Variants in UPRT observed in about 807,000 individuals in gnomAD.
The protein encoded by UPRT is RP11-311P8.3.
Under a neutral mutation model 22.6 loss-of-function variants are expected in UPRT, and 5 were observed. The ratio of observed to expected loss-of-function variants is 0.22; its 90% CI spans 0.12 to 0.47. UPRT has a LOEUF of 0.47. UPRT is among the 20% of genes least tolerant of loss of function. The probability of loss-of-function intolerance (pLI) is 0.99; values close to 1 mark genes in which losing one functional copy is unlikely to be tolerated. For synonymous variants in UPRT, 77 were observed against 87.7 expected (o/e 0.88, Z 0.68); for missense variants, 181 against 239.9 (o/e 0.75, Z 1.62).
At chrX:75,297,806 G>C in intron 4 of UPRT, 1 of 353,435 alleles carries the variant, frequency 2.8e-6, no homozygotes. Context: ...AGATTCAGAG[G>C]AGGATGGGAG....
chrX:75,293,638 T>A (rs1484306160), intron 2 of UPRT, 124 bp downstream of exon 2: 1 of 684,167 alleles, frequency 1.5e-6, no homozygotes, highest in Non-Finnish European at 2.1e-6. Context: ...GTAACCATCA[T>A]CTTGCTAGGC....
In UPRT at chrX:75,274,573, G is replaced by A. The variant is rs1451140478; in HGVS notation, c.319G>A (p.Gly107Arg). The A allele has an allele frequency of 1.7e-6, 2 of 1,208,753 alleles. No homozygotes were observed. The highest frequency in any genetic ancestry group is 1.7e-5 in the African/African-American group (1 of 57,168). Residue 107 changes from glycine to arginine, a missense_variant, in exon 1 of 7, where the codon GGG (glycine) becomes AGG (arginine). Around this residue, in one of 2 missense-constraint regions of UPRT, gnomAD observed 111 missense variants for 102.8 expected, o/e 1.08. Transcript: ENST00000373383. ...LEDCELSRQI[G>R]AQLKLLPMND... ...GGACTGCGAACTCTCCCGGCAGATC[G>A]GGGCGCAGCTTAAGCTGCTGCCTAT... is the stretch of plus-strand genomic sequence containing the variant.
chrX:75,168,111 C>T (rs1048340842), intron 4 of UPRT, among the ~76,000 whole-genome samples: 4 of 111,919 alleles, frequency 3.6e-5, no homozygotes, highest in African/African-American at 9.8e-5. Flanking sequence ...CATTTACCTC[C>T]GTTCTGTTCC....
chrX:75,159,767 TA>T (rs1426118198), intron 1 of UPRT, among the ~76,000 whole-genome samples: 13 of 91,308 alleles, frequency 1.4e-4, no homozygotes, highest in African/African-American at 3.1e-4. Flanking sequence ...ATACTTGCCT[TA>T]AATTTTTTTT....
At chrX:75,226,349 A>T (rs1156947150) in intron 4 of UPRT, among the ~76,000 whole-genome samples, 1 of 111,022 alleles carries the variant, frequency 9.0e-6, no homozygotes, top group Non-Finnish European at 1.9e-5. Flanking sequence ...TTCTGTTAAA[A>T]CCTAAACCAT....
intron 4 of UPRT, among the ~76,000 whole-genome samples, chrX:75,174,452 G>A (rs773782596): frequency 3.4e-4 from 38 of 111,974 alleles, no homozygotes; most frequent in South Asian, 1.9e-3. Flanking sequence ...GGGCCTAAAG[G>A]TGAGTAACAG....
At chrX:75,189,537 T>A (rs1446952822) in intron 4 of UPRT, among the ~76,000 whole-genome samples, 1 of 111,748 alleles carries the variant, frequency 8.9e-6, no homozygotes, top group Non-Finnish European at 1.9e-5. Flanking sequence ...TGGAGATCCT[T>A]GTTAACTTTC....
At chrX:75,218,389 C>T (rs1275047219) in intron 4 of UPRT, among the ~76,000 whole-genome samples, 2 of 107,341 alleles carry the variant, frequency 1.9e-5, no homozygotes, top group African/African-American at 3.4e-5. Flanking sequence ...CAGGAAACAA[C>T]AGGTGCTGGA....
intron 4 of UPRT, among the ~76,000 whole-genome samples, chrX:75,216,975 C>T (rs1444351617): frequency 1.8e-5 from 2 of 111,457 alleles, no homozygotes; most frequent in Non-Finnish European, 3.8e-5. Flanking sequence ...AGGATGGTCT[C>T]GATCTCCTGA....
At chrX:75,272,347 C>CATAT, upstream of UPRT, among the ~76,000 whole-genome samples, 1 of 81,379 alleles carries the variant, frequency 1.2e-5, no homozygotes, top group East Asian at 3.4e-4. Flanking sequence ...TATATATACA[C>CATAT]ATATATATAT....
chrX:75,286,073 TA>T (rs1488556575), intron 1 of UPRT, among the ~76,000 whole-genome samples: 2 of 110,878 alleles, frequency 1.8e-5, no homozygotes, highest in African/African-American at 6.6e-5. Flanking sequence ...TTCCTTTGGT[TA>T]AAACCTGCCG....
chrX:75,255,736 T>G (rs1203245819), intron 4 of UPRT, among the ~76,000 whole-genome samples: 1 of 111,668 alleles, frequency 9.0e-6, no homozygotes, highest in African/African-American at 3.3e-5. Flanking sequence ...AAAACAAACT[T>G]GAAAGCAACA....
chrX:75,291,634 G>T, intron 1 of UPRT: 1 of 131,183 alleles, frequency 7.6e-6, no homozygotes, highest in Non-Finnish European at 1.5e-5. Context: ...GGCCATTGTG[G>T]AATTAAAAAA....
At chrX:75,183,638 A>G (rs746271140) in intron 4 of UPRT, among the ~76,000 whole-genome samples, 1 of 112,079 alleles carries the variant, frequency 8.9e-6, no homozygotes, top group East Asian at 2.8e-4. Context: ...CAGTCCCACC[A>G]ACAGTGTAAA....
At chrX:75,205,083 G>A (rs933964063) in intron 4 of UPRT, among the ~76,000 whole-genome samples, 2 of 111,275 alleles carry the variant, frequency 1.8e-5, no homozygotes, top group East Asian at 2.8e-4. Context: ...TATAAGAGAA[G>A]ATTTGGGCCG....
intron 4 of UPRT, among the ~76,000 whole-genome samples, chrX:75,236,018 G>C (rs963810820): frequency 9.0e-6 from 1 of 111,161 alleles, no homozygotes; most frequent in African/African-American, 3.3e-5. Flanking sequence ...GTCCCTGTTT[G>C]CAGAAGACAT....
At chrX:75,286,027 T>A (rs1191075929) in intron 1 of UPRT, among the ~76,000 whole-genome samples, 1 of 110,683 alleles carries the variant, frequency 9.0e-6, no homozygotes, top group Non-Finnish European at 1.9e-5. Flanking sequence ...GTTATGGATG[T>A]AAAGCTCATG....
chrX:75,172,072 A>G (rs910198877), intron 4 of UPRT, among the ~76,000 whole-genome samples: 2 of 112,213 alleles, frequency 1.8e-5, no homozygotes, highest in Non-Finnish European at 3.8e-5. Context: ...CTGCCAGGAC[A>G]TGGCAGGCTT....
intron 4 of UPRT, among the ~76,000 whole-genome samples, chrX:75,245,614 A>AGG (rs374260419): frequency 1.6e-3 from 183 of 112,492 alleles, no homozygotes; most frequent in African/African-American, 5.7e-3. Flanking sequence ...TGCAGCCATA[A>AGG]AAAAGAATGA....
Sources: gnomAD v4.1 joint callset for allele counts (sites outside exome capture counted in the v4.1 genomes callset) on GRCh38, gnomAD v4.1.1 for gene constraint, gnomAD v4.1.1 regional missense constraint, MANE v1.5 for transcripts, NCBI Gene and HGNC (gene_info 2026-07-23, HGNC 2026-07-21) for gene names.